Variants in WNT2B observed in about 807,000 individuals in gnomAD.
WNT2B encodes Wnt family member 2B.
In WNT2B, 19 loss-of-function variants were observed where a neutral mutation model predicts 40.5. The observed-to-expected ratio is 0.47, with a 90% CI of 0.33 to 0.69. The LOEUF (loss-of-function observed/expected upper bound fraction) is 0.69, where lower values mean the gene tolerates loss of function less well. WNT2B is among the 30% of genes least tolerant of loss of function. The pLI, the probability that WNT2B is intolerant of heterozygous loss-of-function variation, is 0.02. For synonymous variants in WNT2B, 220 were observed against 211.9 expected (o/e 1.04, Z -0.33); for missense variants, 467 against 556.4 (o/e 0.84, Z 1.62).
intron 1 of WNT2B, among the ~76,000 whole-genome samples, chr1:112,470,644 G>A (rs187650054): frequency 1.4e-4 from 22 of 152,198 alleles, no homozygotes; most frequent in East Asian, 1.9e-4. Context: ...GGGGAAAGGC[G>A]TCCGCTCTCT....
At chr1:112,498,523 C>T (rs1035447064) in intron 1 of WNT2B, among the ~76,000 whole-genome samples, 1 of 152,002 alleles carries the variant, frequency 6.6e-6, no homozygotes, top group Admixed American at 6.6e-5. Context: ...ACTTGAGCCA[C>T]CACACCCAGC....
intron 1 of WNT2B, among the ~76,000 whole-genome samples, chr1:112,503,452 A>T (rs1044666111): frequency 6.6e-6 from 1 of 152,188 alleles, no homozygotes; most frequent in African/African-American, 2.4e-5. Flanking sequence ...AGGGAGAGGT[A>T]TGAGACAGAG....
chr1:112,504,295 T>A (rs531171960), upstream of WNT2B, among the ~76,000 whole-genome samples: 7 of 151,398 alleles, frequency 4.6e-5, no homozygotes, highest in East Asian at 3.9e-4. Context: ...CTCTCCTCCT[T>A]CCCCTTCTCC....
At chr1:112,485,065 T>G (rs1025346432) in intron 1 of WNT2B, among the ~76,000 whole-genome samples, 1 of 152,226 alleles carries the variant, frequency 6.6e-6, no homozygotes, top group African/African-American at 2.4e-5. Flanking sequence ...CTCTAAAATT[T>G]GTATGGAAAT....
upstream of WNT2B, among the ~76,000 whole-genome samples, chr1:112,506,847 G>T (rs927853975): frequency 1.4e-4 from 21 of 152,186 alleles, no homozygotes; most frequent in Non-Finnish European, 2.8e-4. Context: ...CCAGGAAGTC[G>T]GCCCTGAGAA....
intron 1 of WNT2B, among the ~76,000 whole-genome samples, chr1:112,496,882 A>G (rs1651792246): frequency 6.6e-6 from 1 of 152,232 alleles, no homozygotes; most frequent in African/African-American, 2.4e-5. Flanking sequence ...TACAGGCGTG[A>G]GCCACTGTGC....
At position 112,529,804 on chromosome 1, in the gene WNT2B, C is replaced by T. The variant is rs188817836; in HGVS notation, c.*9295C>T. 62 of 147,438 alleles carry T rather than the reference C, an allele frequency of 4.2e-4. No individual in the cohort carries two copies. Among genetic ancestry groups the T allele is most frequent in the Non-Finnish European group, 6.3e-4 (42 of 67,120 alleles). The allele number at this position is 147,438 out of a possible 1,614,324, so 9.1% of individuals were successfully genotyped here. On this transcript the variant is annotated 3_prime_UTR_variant, in exon 5 of 5. Transcript: ENST00000369684. The stretch of plus-strand genomic sequence containing the variant: ...TATGCTCATTATTTTCAACCAAGTT[C>T]TATGGAGGTGGTACCTTCACAGGAG...
intron 1 of WNT2B, among the ~76,000 whole-genome samples, chr1:112,513,529 C>T (rs867466274): frequency 7.9e-4 from 53 of 67,120 alleles, no homozygotes; most frequent in African/African-American, 3.1e-3. Context: ...GGGTGAGGGC[C>T]GGCTGTGGGA....
At chr1:112,497,868 C>A (rs1260441197) in intron 1 of WNT2B, among the ~76,000 whole-genome samples, 5 of 152,042 alleles carry the variant, frequency 3.3e-5, no homozygotes. Flanking sequence ...ACCCCGAGCA[C>A]TTTGCTGCTT....
intron 1 of WNT2B, among the ~76,000 whole-genome samples, chr1:112,473,135 G>GAA (rs1405895665): frequency 8.4e-3 from 96 of 11,430 alleles, no homozygotes; most frequent in Middle Eastern, 0.056. Context: ...AAAAGAGAAA[G>GAA]AAAGAAGAAG....
chr1:112,517,359 A>C lies in WNT2B; in HGVS notation c.920A>C (p.Asp307Ala). The C allele has an allele frequency of 6.2e-7, 1 of 1,610,288 alleles. No homozygotes were observed. The highest frequency in any genetic ancestry group is 8.5e-7 in the Non-Finnish European group (1 of 1,176,898). ...CTTGTCTACTTTGACAACTCTCCAG[A>C]TTACTGTGTCTTGGACAAGGCTGCA... is the stretch of plus-strand genomic sequence containing the variant. Reference protein sequence around the residue: ...TDLVYFDNSPDYCVLDKAAGS... With the variant: ...TDLVYFDNSPAYCVLDKAAGS... Residue 307 changes from aspartate to alanine, a missense_variant, in exon 4 of 5, where the codon GAT (aspartate) becomes GCT (alanine). Around this residue, in one of 2 missense-constraint regions of WNT2B, gnomAD observed 330 missense variants for 438.6 expected, o/e 0.75. Transcript: ENST00000369684.
rs926326253 is a variant in WNT2B at position 112,530,010 on chromosome 1, A to G, written c.*9501A>G. 6.6e-6 allele frequency: 1 copy of G among 152,342 alleles called. No individual in the cohort carries two copies. The highest frequency in any genetic ancestry group is 1.9e-4 in the East Asian group (1 of 5,190). The allele number at this position is 152,342 out of a possible 1,614,324, so 9.4% of individuals were successfully genotyped here. A position where few individuals can be genotyped will look rare whatever the true frequency, so the allele number is the denominator to read the frequency against. ...TCAGACCTCTGAATTAGAAGATGCC[A>G]TCATGCAACTAACTTACTATCTGGA... On this transcript the variant is annotated 3_prime_UTR_variant, in exon 5 of 5. Coordinates refer to ENST00000369684, the MANE Select transcript of WNT2B (RefSeq NM_024494.3).
At position 112,520,714 on chromosome 1, in the gene WNT2B, G is replaced by A; in HGVS notation, c.*205G>A. ...GTTGTCAGGGGATATAAGAAACTGA[G>A]CAAGCTCCCTGATTTCCCGCTCTGG... On this transcript the variant is annotated 3_prime_UTR_variant, in exon 5 of 5. Transcript: ENST00000369684. 1.7e-6 allele frequency: 1 copy of A among 602,940 alleles called. No homozygotes were observed. The highest frequency in any genetic ancestry group is 2.9e-6 in the Non-Finnish European group (1 of 343,342). The allele number at this position is 602,940 out of a possible 1,614,324, so 37.3% of individuals were successfully genotyped here.
intron 1 of WNT2B, among the ~76,000 whole-genome samples, chr1:112,477,364 C>T (rs1384667102): frequency 1.3e-5 from 2 of 152,188 alleles, no homozygotes; most frequent in Non-Finnish European, 2.9e-5. Context: ...CAGACAGCAT[C>T]TTCATGCCCA....
chr1:112,498,086 C>T (rs545098523), intron 1 of WNT2B, among the ~76,000 whole-genome samples: 2 of 150,002 alleles, frequency 1.3e-5, no homozygotes, highest in African/African-American at 2.5e-5. Context: ...TCCCCCCCAA[C>T]CCCCGATAGG....
chr1:112,491,605 G>A lies in WNT2B; in HGVS notation c.-94-23269G>A, dbSNP rs540418359. Among the ~76,000 whole-genome samples the A allele has an allele frequency of 4.6e-5, 7 of 152,180 alleles. No individual in the cohort carries two copies. In the South Asian group the frequency reaches 1.5e-3, roughly 32 times the overall value. ...AAGAGTTAGAAGGATTGGAGGGAGG[G>A]CCAGGTGCGGTGGCTCATACCTGTA... On this transcript the variant is annotated intron_variant, in intron 1 of 4. Transcript: ENST00000256640.
intron 1 of WNT2B, among the ~76,000 whole-genome samples, chr1:112,489,027 A>C (rs941755474): frequency 3.3e-5 from 5 of 152,110 alleles, no homozygotes; most frequent in Non-Finnish European, 7.4e-5. Flanking sequence ...AAAACCAAGC[A>C]ATCCCAGATA....
At chr1:112,490,964 T>C in intron 1 of WNT2B, 3 of 1,557,754 alleles carry the variant, frequency 1.9e-6, no homozygotes, top group Non-Finnish European at 2.7e-6. Context: ...TGAAAATCCA[T>C]AGCATTTATT....
chr1:112,526,805 C>T lies in WNT2B; in HGVS notation c.*6296C>T, dbSNP rs941371418. 15 of 151,810 alleles carry T rather than the reference C, an allele frequency of 9.9e-5. No homozygotes were observed. Among genetic ancestry groups the T allele is most frequent in the East Asian group, 1.9e-4 (1 of 5,160 alleles). 9.4% of individuals were successfully genotyped at this position (151,810 alleles called of 1,614,324 possible). A position where few individuals can be genotyped will look rare whatever the true frequency, so the allele number is the denominator to read the frequency against. ...GAGATTTCACTCCTTTTAAAAATGA[C>T]GTCAACTCCTGGGTTAGGAAAGCAA... On this transcript the variant is annotated 3_prime_UTR_variant, in exon 5 of 5. Coordinates refer to ENST00000369684, the MANE Select transcript of WNT2B (RefSeq NM_024494.3).
Sources: gnomAD v4.1 joint callset for allele counts (sites outside exome capture counted in the v4.1 genomes callset) on GRCh38, gnomAD v4.1.1 for gene constraint, gnomAD v4.1.1 regional missense constraint, MANE v1.5 for transcripts, NCBI Gene and HGNC (gene_info 2026-07-23, HGNC 2026-07-21) for gene names.